Variants in NFKB1 observed in about 807,000 individuals in gnomAD.
NFKB1 encodes nuclear factor NF-kappa-B p105 subunit.
In NFKB1, 9 loss-of-function variants were observed where a neutral mutation model predicts 105.1. The observed-to-expected ratio is 0.09, with a 90% CI of 0.05 to 0.15. NFKB1 has a LOEUF of 0.15. Ranked by LOEUF, NFKB1 falls within the 10% of genes least tolerant of loss-of-function variation. The probability of loss-of-function intolerance (pLI) is 1.00; values close to 1 mark genes in which losing one functional copy is unlikely to be tolerated. For synonymous variants in NFKB1, 440 were observed against 442.2 expected (o/e 1.00, Z 0.06); for missense variants, 830 against 1,203.7 (o/e 0.69, Z 4.59).
At chr4:102,535,321 T>C (rs1741562958) in intron 4 of NFKB1, among the ~76,000 whole-genome samples, 1 of 152,186 alleles carries the variant, frequency 6.6e-6, no homozygotes, top group Non-Finnish European at 1.5e-5. Flanking sequence ...ATAAGAATTT[T>C]TAAATGTAAT....
chr4:102,616,427 C>G lies in NFKB1; in HGVS notation c.2750-7C>G. The G allele has an allele frequency of 6.2e-7, 1 of 1,613,210 alleles. No homozygotes were observed. The highest frequency in any genetic ancestry group is 8.5e-7 in the Non-Finnish European group (1 of 1,179,692). On this transcript the variant is annotated splice_polypyrimidine_tract_variant and splice_region_variant and intron_variant, in intron 23 of 23. Transcript: ENST00000226574. ...TCCCCCAGTGAATTTGTGCTTTCTC[C>G]CCTCAGACGAGCTCCGAGACAGTGA...
chr4:102,582,674 C>G (rs190060354), intron 9 of NFKB1, among the ~76,000 whole-genome samples, 192 bp from the exon 10 acceptor site: 1 of 151,634 alleles, frequency 6.6e-6, no homozygotes, highest in Non-Finnish European at 1.5e-5. Context: ...AAAGTTGGGG[C>G]GCATTACTGT....
At chr4:102,586,488 G>C (rs559910146) in intron 11 of NFKB1, among the ~76,000 whole-genome samples, 3 of 152,134 alleles carry the variant, frequency 2.0e-5, no homozygotes, top group African/African-American at 7.2e-5. Context: ...GAGAAATTTA[G>C]CATTAGAATC....
intron 6 of NFKB1, 149 bp downstream of exon 6, chr4:102,567,284 G>T: frequency 1.2e-6 from 1 of 831,708 alleles, no homozygotes; most frequent in Non-Finnish European, 1.8e-6. Flanking sequence ...CTTTCATTTG[G>T]ACTCCAGGAA....
At chr4:102,542,474 TCTTAC>T (rs1434809813) in intron 5 of NFKB1, among the ~76,000 whole-genome samples, 1 of 151,952 alleles carries the variant, frequency 6.6e-6, no homozygotes, top group Non-Finnish European at 1.5e-5. Context: ...GGTATTAGCA[TCTTAC>T]CTTATTTGCT....
rs150739049 is a variant in NFKB1, at chr4:102,537,685, G to A, written c.160-173G>A. 9.1e-4 allele frequency: 443 copies of A among 487,402 alleles called. 2 individuals are homozygous for A. The highest frequency in any genetic ancestry group is 7.7e-3 in the African/African-American group (389 of 50,694). 30.2% of individuals were successfully genotyped at this position (487,402 alleles called of 1,614,324 possible). A position where few individuals can be genotyped will look rare whatever the true frequency, so the allele number is the denominator to read the frequency against. On this transcript the variant is annotated intron_variant, in intron 4 of 23. Coordinates refer to ENST00000226574, the MANE Select transcript of NFKB1 (RefSeq NM_003998.4). ...CAAATATCAATTAATACCATTTTTC[G>A]TAGTAAGATTACGGGAAAAGTGATT...
intron 23 of NFKB1, among the ~76,000 whole-genome samples, chr4:102,614,917 G>A (rs936371994): frequency 6.6e-6 from 1 of 151,990 alleles, no homozygotes; most frequent in African/African-American, 2.4e-5. Context: ...CAAAACCCAA[G>A]AATTCCTCAG....
At chr4:102,510,457 A>T (rs1739706532) in intron 1 of NFKB1, among the ~76,000 whole-genome samples, 1 of 152,130 alleles carries the variant, frequency 6.6e-6, no homozygotes, top group Non-Finnish European at 1.5e-5. Context: ...TCTCTCTCTA[A>T]AATTATGTGT....
chr4:102,603,071 G>T (rs1400905951), intron 16 of NFKB1, among the ~76,000 whole-genome samples: 1 of 152,006 alleles, frequency 6.6e-6, no homozygotes, highest in East Asian at 1.9e-4. Context: ...AACAGGATTA[G>T]TAGCTGTGAT....
intron 1 of NFKB1, among the ~76,000 whole-genome samples, chr4:102,518,181 G>A (rs1010415664): frequency 6.6e-6 from 1 of 152,120 alleles, no homozygotes; most frequent in African/African-American, 2.4e-5. Flanking sequence ...TCAAAAATGG[G>A]GCTCATTGCA....
intron 5 of NFKB1, among the ~76,000 whole-genome samples, chr4:102,565,221 C>T (rs533830576): frequency 6.6e-6 from 1 of 151,936 alleles, no homozygotes; most frequent in Non-Finnish European, 1.5e-5. Flanking sequence ...AATTAGCAAC[C>T]CTCTTCGTGA....
In NFKB1 at chr4:102,607,286, C is replaced by T. The variant is rs747107704; in HGVS notation, c.2091C>T (p.Asp697=). 3.7e-6 allele frequency: 6 copies of T among 1,613,476 alleles called. No individual in the cohort carries two copies. In the Admixed American group the frequency reaches 1.0e-4, roughly 27 times the overall value. Residue 697 remains aspartate (D), a synonymous_variant, in exon 18 of 24, where the codon GAC becomes GAT. Transcript: ENST00000226574. The part of the protein sequence containing the change: ...RTALHLAVEH[D]NISLAGCLLL... ...CACTGCACCTGGCTGTGGAGCACGA[C>T]AACATCTCATTGGCAGGCTGCCTGC...
Position 102,535,327 on chromosome 4 carries a change from G to A in NFKB1, c.159+1442G>A, listed in dbSNP as rs145728156. ...AGCACTACAATAAGAATTTTTAAAT[G>A]TAATTCCTTATTATGGATCCAACAG... On this transcript the variant is annotated intron_variant, in intron 4 of 23. Transcript: ENST00000226574. 2.3e-3 allele frequency among the ~76,000 whole-genome samples: 354 copies of A among 152,220 alleles called. 1 individual carries two copies. Among genetic ancestry groups the A allele is most frequent in the African/African-American group, 8.0e-3 (333 of 41,554 alleles).
intron 5 of NFKB1, among the ~76,000 whole-genome samples, chr4:102,552,405 T>A (rs1722686020): frequency 6.6e-6 from 1 of 152,180 alleles, no homozygotes; most frequent in Non-Finnish European, 1.5e-5. Flanking sequence ...CTGCTGACAG[T>A]CAGGGCTGTC....
intron 5 of NFKB1, among the ~76,000 whole-genome samples, chr4:102,548,996 A>G (rs991616204): frequency 9.2e-5 from 14 of 152,050 alleles, no homozygotes; most frequent in Non-Finnish European, 1.8e-4. Flanking sequence ...GCCCACTACA[A>G]ACATATTGTG....
At chr4:102,580,338 G>A (rs1366527047) in intron 8 of NFKB1, among the ~76,000 whole-genome samples, 197 bp from the exon 9 acceptor site, 1 of 152,110 alleles carries the variant, frequency 6.6e-6, no homozygotes, top group Non-Finnish European at 1.5e-5. Context: ...ATTTGTTTTG[G>A]TGATCATAAA....
At chr4:102,531,223 A>T (rs976452981) in intron 3 of NFKB1, among the ~76,000 whole-genome samples, 1 of 152,204 alleles carries the variant, frequency 6.6e-6, no homozygotes, top group Non-Finnish European at 1.5e-5. Flanking sequence ...TAAGATTATC[A>T]AGATAACCAT....
chr4:102,540,004 G>A (rs1321124299), intron 5 of NFKB1, among the ~76,000 whole-genome samples: 3 of 152,118 alleles, frequency 2.0e-5, no homozygotes, highest in Admixed American at 6.6e-5. Flanking sequence ...TTTAACACAT[G>A]TGTCTGTGTG....
rs376486117 is a variant in NFKB1, at chr4:102,577,067, C to T, written c.571+28C>T. 3.8e-6 allele frequency: 6 copies of T among 1,596,374 alleles called. No individual in the cohort carries two copies. In the African/African-American group the frequency reaches 5.4e-5, roughly 14 times the overall value. ...AAGCATCATTTTCCTGGCCTTGATCCTCCAAGGGGTCCAGGCTTTGGTTTT... is the reference window on the plus strand; with the variant it reads ...AAGCATCATTTTCCTGGCCTTGATCTTCCAAGGGGTCCAGGCTTTGGTTTT... On this transcript the variant is annotated intron_variant, in intron 7 of 23. Transcript: ENST00000226574.
Sources: gnomAD v4.1 joint callset for allele counts (sites outside exome capture counted in the v4.1 genomes callset) on GRCh38, gnomAD v4.1.1 for gene constraint, MANE v1.5 for transcripts, NCBI Gene and HGNC (gene_info 2026-07-23, HGNC 2026-07-21) for gene names.